MAGI1: variants seen among roughly 807,000 people sequenced by gnomAD.
MAGI1 encodes membrane-associated guanylate kinase, WW and PDZ domain-containing protein 1.
In MAGI1, 58 loss-of-function variants were observed where a neutral mutation model predicts 139.9. The observed-to-expected ratio is 0.41, with a 90% CI of 0.34 to 0.52. MAGI1 has a LOEUF of 0.52. Among genes scored for constraint, MAGI1 ranks in the 20% least tolerant of loss-of-function variants. The pLI, the probability that MAGI1 is intolerant of heterozygous loss-of-function variation, is 0.12. For missense variants in MAGI1, 1,874 were observed against 1,901.6 expected, an observed-to-expected ratio of 0.99 and a Z score of 0.27; for synonymous variants, 812 against 737.9, an observed-to-expected ratio of 1.10 and a Z score of -1.63.
chr3:65,553,009 G>A (rs2079918559), intron 2 of MAGI1, among the ~76,000 whole-genome samples: 1 of 152,106 alleles, frequency 6.6e-6, no homozygotes. Context: ...ATACATCTAA[G>A]GGATGTTTAG....
At position 65,543,569 on chromosome 3, in the gene MAGI1, C is replaced by T. The variant is rs2079350923; in HGVS notation, c.431-49938G>A. 1.3e-5 allele frequency among the ~76,000 whole-genome samples: 2 copies of T among 152,214 alleles called. 1 individual carries two copies. Among genetic ancestry groups the T allele is most frequent in the Non-Finnish European group, 2.9e-5 (2 of 68,010 alleles). The stretch of plus-strand genomic sequence containing the variant: ...ATATATACCATGGAATACTATGCAG[C>T]CATAGAAAAGGATGAGTTCATGTCC... On this transcript the variant is annotated intron_variant, in intron 2 of 22. Coordinates refer to ENST00000402939, the MANE Select transcript of MAGI1 (RefSeq NM_001033057.2).
At chr3:65,405,541 A>G (rs1945259904) in intron 12 of MAGI1, among the ~76,000 whole-genome samples, 1 of 152,042 alleles carries the variant, frequency 6.6e-6, no homozygotes, top group East Asian at 1.9e-4. Context: ...AGCTTTATTT[A>G]TTTATAAATA....
intron 1 of MAGI1, among the ~76,000 whole-genome samples, chr3:65,950,128 T>TG: frequency 6.8e-6 from 1 of 147,186 alleles, no homozygotes; most frequent in Non-Finnish European, 1.5e-5. Context: ...ATATTACTGT[T>TG]TTTTTTTTTT....
chr3:65,926,073 C>T (rs2062486998), intron 1 of MAGI1, among the ~76,000 whole-genome samples: 1 of 152,108 alleles, frequency 6.6e-6, no homozygotes, highest in Admixed American at 6.6e-5. Context: ...GTACTAAGTA[C>T]CTTACTCAAG....
chr3:65,963,328 A>T (rs1576282218), intron 1 of MAGI1, among the ~76,000 whole-genome samples: 1 of 148,374 alleles, frequency 6.7e-6, no homozygotes, highest in East Asian at 2.0e-4. Flanking sequence ...AAAAAAAAAA[A>T]GTAGCTCGGC....
At chr3:66,005,757 G>C (rs2066982105) in intron 1 of MAGI1, among the ~76,000 whole-genome samples, 1 of 152,138 alleles carries the variant, frequency 6.6e-6, no homozygotes, top group African/African-American at 2.4e-5. Flanking sequence ...GAGAGATTTG[G>C]TAGAGGACAA....
At chr3:65,867,842 T>C (rs1330227105) in intron 1 of MAGI1, among the ~76,000 whole-genome samples, 1 of 152,040 alleles carries the variant, frequency 6.6e-6, no homozygotes, top group Non-Finnish European at 1.5e-5. Flanking sequence ...AGCCCTGCCA[T>C]TTACTGTGCT....
chr3:65,661,239 A>C (rs1449568505), intron 1 of MAGI1, among the ~76,000 whole-genome samples: 1 of 152,144 alleles, frequency 6.6e-6, no homozygotes, highest in Non-Finnish European at 1.5e-5. Context: ...ACTAGTGGGG[A>C]GAAAAGCAAA....
At chr3:65,790,208 C>A (rs546684979) in intron 1 of MAGI1, among the ~76,000 whole-genome samples, 25 of 152,182 alleles carry the variant, frequency 1.6e-4, no homozygotes, top group African/African-American at 5.3e-4. Context: ...AGATGCAATA[C>A]TTAAAATTAA....
intron 1 of MAGI1, among the ~76,000 whole-genome samples, chr3:66,031,531 G>T (rs1559511658): frequency 6.6e-6 from 1 of 152,168 alleles, no homozygotes; most frequent in East Asian, 1.9e-4. Context: ...AATGACAAGG[G>T]GTGGCCACTG....
chr3:65,685,706 T>C (rs2087970832), intron 1 of MAGI1, among the ~76,000 whole-genome samples: 1 of 152,204 alleles, frequency 6.6e-6, no homozygotes, highest in Non-Finnish European at 1.5e-5. Context: ...GTTTCTATTT[T>C]AGTAAAAATA....
chr3:65,845,181 G>A (rs1178121936), intron 1 of MAGI1, among the ~76,000 whole-genome samples: 5 of 151,954 alleles, frequency 3.3e-5, no homozygotes, highest in African/African-American at 1.2e-4. Flanking sequence ...AACCCAGGAG[G>A]CGGCGGTTGC....
At chr3:65,722,915 G>A (rs2033203701) in intron 1 of MAGI1, among the ~76,000 whole-genome samples, 1 of 151,666 alleles carries the variant, frequency 6.6e-6, no homozygotes, top group Non-Finnish European at 1.5e-5. Context: ...GGGCTGGAGG[G>A]AACTTGAATA....
chr3:65,545,412 G>T (rs1456732353), intron 2 of MAGI1, among the ~76,000 whole-genome samples: 1 of 152,142 alleles, frequency 6.6e-6, no homozygotes, highest in Non-Finnish European at 1.5e-5. Flanking sequence ...ACTTCTTCCT[G>T]TATTCTCATG....
At chr3:65,657,648 A>G (rs1052071032) in intron 1 of MAGI1, among the ~76,000 whole-genome samples, 11 of 152,172 alleles carry the variant, frequency 7.2e-5, no homozygotes, top group African/African-American at 2.7e-4. Context: ...CAACATCACG[A>G]AAGTTTAAAA....
At chr3:65,697,340 T>C (rs1017358568) in intron 1 of MAGI1, among the ~76,000 whole-genome samples, 5 of 150,050 alleles carry the variant, frequency 3.3e-5, no homozygotes, top group South Asian at 2.1e-4. Context: ...TTCCAATCAA[T>C]AGAAAAAGAG....
intron 6 of MAGI1, among the ~76,000 whole-genome samples, chr3:65,449,500 C>T (rs915709804): frequency 4.6e-5 from 7 of 152,098 alleles, no homozygotes; most frequent in Admixed American, 6.6e-5. Context: ...AGGGGCCAGG[C>T]GTGGTGTCTC....
chr3:65,672,039 G>C (rs758104946), intron 1 of MAGI1, among the ~76,000 whole-genome samples: 20 of 152,184 alleles, frequency 1.3e-4, no homozygotes, highest in Non-Finnish European at 2.5e-4. Flanking sequence ...ATCCCAAATT[G>C]GAGATGCAAT....
chr3:65,768,328 G>C (rs1032694294), intron 1 of MAGI1, among the ~76,000 whole-genome samples: 5 of 152,112 alleles, frequency 3.3e-5, no homozygotes, highest in Non-Finnish European at 7.3e-5. Context: ...GCTGAGGCAG[G>C]AGAATTACTT....
Sources: allele counts gnomAD v4.1 joint callset (sites outside exome capture counted in the v4.1 genomes callset), GRCh38; gene constraint gnomAD v4.1.1; transcripts MANE v1.5; gene names NCBI Gene and HGNC (gene_info 2026-07-23, HGNC 2026-07-21).